The following ARHGAP8 variants were observed in gnomAD, a reference collection of about 807,000 sequenced individuals.
ARHGAP8 encodes Rho GTPase activating protein 8.
Under a neutral mutation model 46.1 loss-of-function variants are expected in ARHGAP8, and 62 were observed. The ratio of observed to expected loss-of-function variants is 1.34; its 90% CI spans 1.10 to 1.66. The LOEUF (loss-of-function observed/expected upper bound fraction) is 1.66, where lower values mean the gene tolerates loss of function less well. Ranked by LOEUF, ARHGAP8 falls within the 40% of genes most tolerant of loss-of-function variation. The pLI, the probability that ARHGAP8 is intolerant of heterozygous loss-of-function variation, is 0.00. For missense variants in ARHGAP8, 923 were observed against 568.4 expected, an observed-to-expected ratio of 1.62 and a Z score of -6.34; for synonymous variants, 375 against 243.1, an observed-to-expected ratio of 1.54 and a Z score of -5.05.
chr22:44,779,097 C>CTTCTTT (rs1555910217), intron 1 of ARHGAP8, among the ~76,000 whole-genome samples: 1 of 26,106 alleles, frequency 3.8e-5, no homozygotes, highest in African/African-American at 1.5e-4. Flanking sequence ...TGGTCTCTGA[C>CTTCTTT]TTTTTTTTTT....
At chr22:44,823,149 C>T (rs1020948939) in intron 6 of ARHGAP8, among the ~76,000 whole-genome samples, 6 of 152,122 alleles carry the variant, frequency 3.9e-5, no homozygotes, top group South Asian at 2.1e-4. Flanking sequence ...AACTTCTCTC[C>T]GGACGCCAAG....
At chr22:44,841,354 C>A (rs1056977145) in intron 7 of ARHGAP8, among the ~76,000 whole-genome samples, 4 of 152,136 alleles carry the variant, frequency 2.6e-5, no homozygotes, top group African/African-American at 9.7e-5. Context: ...TTAATTCTCA[C>A]CCGCCTGCCC....
intron 2 of ARHGAP8, among the ~76,000 whole-genome samples, chr22:44,789,783 A>AT (rs1927530653): frequency 6.6e-6 from 1 of 151,968 alleles, no homozygotes; most frequent in African/African-American, 2.4e-5. Context: ...TTATAGGTGT[A>AT]TTTTTTACCA....
chr22:44,826,465 C>T (rs1488092696), intron 7 of ARHGAP8, among the ~76,000 whole-genome samples: 1 of 152,184 alleles, frequency 6.6e-6, no homozygotes, highest in Non-Finnish European at 1.5e-5. Context: ...TGCTCTGCTT[C>T]TCAGGCAGGA....
At chr22:44,854,904 C>T (rs953539433) in intron 10 of ARHGAP8, among the ~76,000 whole-genome samples, 6 of 152,222 alleles carry the variant, frequency 3.9e-5, no homozygotes, top group Admixed American at 6.5e-5. Flanking sequence ...CCTTGGCCTC[C>T]CGAAGTGCTG....
chr22:44,758,037 G>A lies in ARHGAP8; in HGVS notation c.-72+5410G>A, dbSNP rs180786543. 6.0e-3 allele frequency among the ~76,000 whole-genome samples: 910 copies of A among 152,202 alleles called. 5 individuals carry two copies. Among genetic ancestry groups the A allele is most frequent in the Non-Finnish European group, 0.01 (681 of 68,004 alleles). On this transcript the variant is annotated intron_variant, in intron 1 of 11. Transcript: ENST00000356099. ...CCTGGATGGGGTCACAGAGGGAGTC[G>A]GAACAGGTGGGAGGCACAGGGCTGC...
intron 4 of ARHGAP8, among the ~76,000 whole-genome samples, chr22:44,813,767 TTACACCTACA>T (rs960822834): frequency 5.8e-5 from 8 of 138,322 alleles, no homozygotes; most frequent in Non-Finnish European, 1.3e-4. Flanking sequence ...CTATATACAC[TTACACCTACA>T]TACACCTACA....
chr22:44,815,365 C>CAGGG, intron 5 of ARHGAP8, among the ~76,000 whole-genome samples: 2 of 151,498 alleles, frequency 1.3e-5, no homozygotes, highest in African/African-American at 4.9e-5. Context: ...GCCACTCGGT[C>CAGGG]TCCAGCCCCT....
rs539157403 is a variant in ARHGAP8 at position 44,858,024 on chromosome 22, G to C, written c.878-1707G>C. ...AGGTTCAGGCACAACACCCAGAGAA[G>C]GAAATGGCAGCCACCTGGCTCGGTT... On this transcript the variant is annotated intron_variant, in intron 10 of 11. Transcript: ENST00000356099. Among the ~76,000 whole-genome samples, 184 of 152,354 alleles carry C rather than the reference G, an allele frequency of 1.2e-3. 1 individual carries two copies. Among genetic ancestry groups the C allele is most frequent in the Non-Finnish European group, 2.1e-3 (145 of 68,032 alleles).
At chr22:44,837,391 G>A (rs560928433) in intron 7 of ARHGAP8, among the ~76,000 whole-genome samples, 14 of 152,304 alleles carry the variant, frequency 9.2e-5, no homozygotes, top group African/African-American at 2.6e-4. Flanking sequence ...CACAGAGAAC[G>A]CTGTGCTGAC....
rs149327155 is a variant in ARHGAP8, at chr22:44,849,039, G to A, written c.856G>A (p.Glu286Lys). 2.9e-4 allele frequency: 476 copies of A among 1,613,972 alleles called. No individual in the cohort carries two copies. The African/African-American group carries it at 5.8e-3, about 20-fold the overall frequency. ...PQPLLTFQAY[E>K]QILGITCVES... ...GCCGCTTCTGACCTTCCAGGCCTACGAGCAGATTCTCGGGATCACCTGTGC... is the reference window on the plus strand; with the variant it reads ...GCCGCTTCTGACCTTCCAGGCCTACAAGCAGATTCTCGGGATCACCTGTGC... The change falls in exon 10 of 12, where the codon GAG (glutamate) becomes AAG (lysine). Residue 286 changes from glutamate to lysine, a missense_variant. Transcript: ENST00000356099.
intron 5 of ARHGAP8, among the ~76,000 whole-genome samples, chr22:44,816,974 C>T (rs926039044): frequency 6.6e-6 from 1 of 151,302 alleles, no homozygotes. Context: ...CTACCTCTGC[C>T]TCCTGGGTTC....
At chr22:44,820,653 C>T (rs1930062106) in intron 5 of ARHGAP8, among the ~76,000 whole-genome samples, 1 of 152,206 alleles carries the variant, frequency 6.6e-6, no homozygotes, top group Non-Finnish European at 1.5e-5. Context: ...GGGTGAGGGG[C>T]ACACTGCACT....
intron 2 of ARHGAP8, among the ~76,000 whole-genome samples, chr22:44,793,129 T>C (rs1223971725): frequency 3.3e-5 from 5 of 152,084 alleles, no homozygotes; most frequent in Admixed American, 6.6e-5. Flanking sequence ...GCCAGAATAG[T>C]GTTTTGTAAA....
In ARHGAP8 at chr22:44,862,669, C is replaced by CAA; in HGVS notation, c.*75_*76insAA. 6.8e-7 allele frequency: 1 copy of CAA among 1,473,230 alleles called. No homozygotes were observed. The highest frequency in any genetic ancestry group is 9.0e-7 in the Non-Finnish European group (1 of 1,109,850). 91.3% of individuals were successfully genotyped at this position (1,473,230 alleles called of 1,614,324 possible). A position where few individuals can be genotyped will look rare whatever the true frequency, so the allele number is the denominator to read the frequency against. Reference sequence around the variant, plus strand: ...GCACTTGTATGTTTTGTAAACTTGGCATCTGTAAAAATAACCAGCCATTAG... The same window carrying CAA: ...GCACTTGTATGTTTTGTAAACTTGGCAAATCTGTAAAAATAACCAGCCATTAG... On this transcript the variant is annotated 3_prime_UTR_variant, in exon 12 of 12. Coordinates refer to ENST00000356099, the MANE Select transcript of ARHGAP8 (RefSeq NM_181335.3).
At chr22:44,759,305 A>C (rs1030165003) in intron 1 of ARHGAP8, among the ~76,000 whole-genome samples, 22 of 152,154 alleles carry the variant, frequency 1.4e-4, no homozygotes, top group African/African-American at 5.1e-4. Context: ...ATACAGGTAC[A>C]TGGTGCAGAC....
At chr22:44,814,614 G>T (rs536097526) in intron 4 of ARHGAP8, 58 bp from the exon 5 acceptor site, 202 of 1,498,298 alleles carry the variant, frequency 1.3e-4, no homozygotes, top group Admixed American at 3.6e-4. Flanking sequence ...GGGTTATTGG[G>T]CGTGGGGTGT....
intron 7 of ARHGAP8, among the ~76,000 whole-genome samples, chr22:44,833,096 C>CTTTTCTTTTCTTTTCTTTTCT (rs535842585): frequency 1.2e-4 from 14 of 120,434 alleles, no homozygotes; most frequent in Admixed American, 2.8e-4. Flanking sequence ...CTTTTCTTTT[C>CTTTTCTTTTCTTTTCTTTTCT]TTTTTTTTTT....
chr22:44,861,822 C>A (rs553409059), intron 11 of ARHGAP8, among the ~76,000 whole-genome samples: 1 of 152,264 alleles, frequency 6.6e-6, no homozygotes, highest in African/African-American at 2.4e-5. Flanking sequence ...GACAAGGAGC[C>A]CCTTCTAGCA....
Sources: allele counts gnomAD v4.1 joint callset (sites outside exome capture counted in the v4.1 genomes callset), GRCh38; gene constraint gnomAD v4.1.1; transcripts MANE v1.5; gene names NCBI Gene and HGNC (gene_info 2026-07-23, HGNC 2026-07-21).